The following RAD21 variants were observed in gnomAD, a reference collection of about 807,000 sequenced individuals.
RAD21 encodes RAD21 cohesin complex component.
In RAD21, 18 loss-of-function variants were observed where a neutral mutation model predicts 71.5. That is an observed-to-expected ratio of 0.25 (90% confidence interval 0.17 to 0.37). The LOEUF is 0.37. RAD21 is among the 10% of genes least tolerant of loss of function. The probability of loss-of-function intolerance (pLI) is 1.00; values close to 1 mark genes in which losing one functional copy is unlikely to be tolerated. For missense variants in RAD21, 493 were observed against 769.1 expected (o/e 0.64, Z 4.25); for synonymous variants, 248 against 254.0 (o/e 0.98, Z 0.22).
intron 12 of RAD21, chr8:116,849,294 T>G: frequency 2.8e-6 from 1 of 358,418 alleles, no homozygotes; most frequent in Non-Finnish European, 5.0e-6. Context: ...ATAAGGATGC[T>G]ATCTACACAC....
intron 9 of RAD21, among the ~76,000 whole-genome samples, chr8:116,853,173 G>A (rs1057489450): frequency 3.3e-5 from 5 of 151,970 alleles, no homozygotes; most frequent in Non-Finnish European, 5.9e-5. Context: ...CCGCGCCCCC[G>A]GTTCAAGTGA....
chr8:116,860,543 GC>G (rs1416507792), intron 4 of RAD21, among the ~76,000 whole-genome samples: 2 of 152,144 alleles, frequency 1.3e-5, no homozygotes, highest in Non-Finnish European at 2.9e-5. Flanking sequence ...TCCTCCACCA[GC>G]AAAAAAACTG....
chr8:116,874,305 T>C (rs1242168358), intron 1 of RAD21: 7 of 152,706 alleles, frequency 4.6e-5, no homozygotes, highest in Non-Finnish European at 7.3e-5. Context: ...GGACGTGAGA[T>C]GGACCTGCAG....
chr8:116,865,374 AC>A (rs1278518432), intron 2 of RAD21, among the ~76,000 whole-genome samples: 1 of 152,092 alleles, frequency 6.6e-6, no homozygotes, highest in Non-Finnish European at 1.5e-5. Context: ...CCACACATAT[AC>A]TTTCCAGAAA....
At chr8:116,872,028 T>C (rs1180933568) in intron 1 of RAD21, among the ~76,000 whole-genome samples, 1 of 152,144 alleles carries the variant, frequency 6.6e-6, no homozygotes, top group Non-Finnish European at 1.5e-5. Flanking sequence ...GCTTCTTGCA[T>C]CCATGGACTA....
chr8:116,850,803 T>C lies in RAD21; in HGVS notation c.1471-36A>G, dbSNP rs755328393. The stretch of plus-strand genomic sequence containing the variant: ...TACAAATAAGACAATTTAAGATATA[T>C]GCTTTTAAAGTAGCTTATTTTAAAT... On this transcript the variant is annotated intron_variant, in intron 11 of 13. Transcript: ENST00000297338. 6.4e-6 allele frequency: 9 copies of C among 1,408,574 alleles called. No homozygotes were observed. The Admixed American group carries it at 7.3e-5, about 11-fold the overall frequency. The allele number at this position is 1,408,574 out of a possible 1,614,324, so 87.3% of individuals were successfully genotyped here.
chr8:116,855,948 T>C (rs528405907), intron 8 of RAD21, among the ~76,000 whole-genome samples: 17 of 152,126 alleles, frequency 1.1e-4, no homozygotes, highest in Middle Eastern at 3.4e-3. Flanking sequence ...AAATTATAAT[T>C]GGATAGAAGA....
At chr8:116,849,058 A>G in intron 12 of RAD21, 29 bp from the exon 13 acceptor site, 1 of 1,506,632 alleles carries the variant, frequency 6.6e-7, no homozygotes, top group South Asian at 1.3e-5. Context: ...CAAAAAGCTG[A>G]CAAAACAAGT....
At chr8:116,866,309 C>G (rs536851627) in intron 2 of RAD21, among the ~76,000 whole-genome samples, 69 of 148,458 alleles carry the variant, frequency 4.6e-4, no homozygotes, top group African/African-American at 1.7e-3. Context: ...AGGAACAGAT[C>G]AGTAAACAAT....
At chr8:116,873,695 G>A (rs935063048) in intron 1 of RAD21, among the ~76,000 whole-genome samples, 4 of 151,808 alleles carry the variant, frequency 2.6e-5, no homozygotes, top group Non-Finnish European at 4.4e-5. Context: ...ATCCCCCAGG[G>A]TTTCCCTCTT....
At chr8:116,854,151 A>C in intron 9 of RAD21, 94 bp downstream of exon 9, 1 of 1,063,580 alleles carries the variant, frequency 9.4e-7, no homozygotes, top group African/African-American at 1.6e-5. Context: ...ACAGTTGCAA[A>C]ATACTTGATC....
chr8:116,865,419 C>A (rs1159363516), intron 2 of RAD21, among the ~76,000 whole-genome samples: 1 of 141,656 alleles, frequency 7.1e-6, no homozygotes, highest in African/African-American at 2.7e-5. Context: ...ATTAACTTAT[C>A]CCAGTAAGCA....
intron 1 of RAD21, among the ~76,000 whole-genome samples, chr8:116,873,623 T>A (rs1812890357): frequency 6.8e-6 from 1 of 147,582 alleles, no homozygotes. Flanking sequence ...CAGAAACTCT[T>A]CGCACAAACG....
At position 116,846,489 on chromosome 8, in the gene RAD21, G is replaced by A. The variant is rs377199308; in HGVS notation, c.*1011C>T. The A allele has an allele frequency of 5.7e-4, 128 of 223,968 alleles. 2 individuals carry two copies. The East Asian group carries it at 8.0e-3, about 14-fold the overall frequency. 13.9% of individuals were successfully genotyped at this position (223,968 alleles called of 1,614,324 possible). A position where few individuals can be genotyped will look rare whatever the true frequency, so the allele number is the denominator to read the frequency against. ...AGGAAACTGGATATAGGATTTCGTTGCAACGCTATTAAAGTTCCAAACCAG... is the reference window on the plus strand; with the variant it reads ...AGGAAACTGGATATAGGATTTCGTTACAACGCTATTAAAGTTCCAAACCAG... On this transcript the variant is annotated 3_prime_UTR_variant, in exon 14 of 14. Transcript: ENST00000297338.
intron 1 of RAD21, among the ~76,000 whole-genome samples, chr8:116,869,280 C>T (rs1467910432): frequency 1.3e-5 from 2 of 152,088 alleles, no homozygotes; most frequent in African/African-American, 4.8e-5. Flanking sequence ...AAAAAAAACT[C>T]CAATTAGAAA....
chr8:116,852,242 G>A, intron 10 of RAD21, 146 bp from the exon 11 acceptor site: 3 of 815,960 alleles, frequency 3.7e-6, no homozygotes, highest in Non-Finnish European at 5.5e-6. Flanking sequence ...GCTCCATAAA[G>A]ATTTACTCAA....
intron 13 of RAD21, 39 bp downstream of exon 13, chr8:116,848,907 T>C (rs777197858): frequency 4.5e-6 from 7 of 1,553,248 alleles, no homozygotes; most frequent in Non-Finnish European, 5.3e-6. Flanking sequence ...GCAAAAGCCT[T>C]TGATGAAGCA....
intron 9 of RAD21, among the ~76,000 whole-genome samples, 185 bp downstream of exon 9, chr8:116,854,060 A>G (rs2130462420): frequency 6.6e-6 from 1 of 152,266 alleles, no homozygotes; most frequent in East Asian, 1.9e-4. Flanking sequence ...TTAGAAATGC[A>G]GGTCTCACTT....
Position 116,848,954 on chromosome 8 carries a change from C to A in RAD21, c.1696G>T (p.Gly566Cys). 6.2e-7 allele frequency: 1 copy of A among 1,607,668 alleles called. No homozygotes were observed. The highest frequency in any genetic ancestry group is 1.1e-5 in the South Asian group (1 of 90,178). Reference protein sequence around the residue: ...WNKRTQQMLHGLQRALAKTGA... With the variant: ...WNKRTQQMLHCLQRALAKTGA... ...GACAACAGCGGCAATACCTGAAGAC[C>A]ATGAAGCATCTGCTGAGTCCTTTTG... Residue 566 changes from glycine to cysteine, a missense_variant, in exon 13 of 14, where the codon GGT (glycine) becomes TGT (cysteine). Around this residue, in one of 5 missense-constraint regions of RAD21, gnomAD observed 225 missense variants for 218.3 expected, o/e 1.03. Transcript: ENST00000297338.
Sources: gnomAD v4.1 joint callset for allele counts (sites outside exome capture counted in the v4.1 genomes callset) on GRCh38, gnomAD v4.1.1 for gene constraint, gnomAD v4.1.1 regional missense constraint, MANE v1.5 for transcripts, NCBI Gene and HGNC (gene_info 2026-07-23, HGNC 2026-07-21) for gene names.